Variants in ZC3H12B observed in about 807,000 individuals in gnomAD.
The protein encoded by ZC3H12B is probable ribonuclease ZC3H12B.
ZC3H12B carries 7 observed loss-of-function variants against 43.9 expected under a neutral mutation model. The observed-to-expected ratio is 0.16, with a 90% confidence interval of 0.09 to 0.30. The LOEUF (loss-of-function observed/expected upper bound fraction) is 0.30, where lower values mean the gene tolerates loss of function less well. Ranked by LOEUF, ZC3H12B falls within the 10% of genes least tolerant of loss-of-function variation. The pLI is 1.00. For missense variants in ZC3H12B, 475 were observed against 670.2 expected (o/e 0.71, Z 3.22); for synonymous variants, 222 against 241.7 (o/e 0.92, Z 0.76).
the ZC3H12B span, among the ~76,000 whole-genome samples, chrX:65,067,803 G>A: frequency 9.2e-6 from 1 of 108,816 alleles, no homozygotes; most frequent in African/African-American, 3.4e-5. Flanking sequence ...GCTTGCTTTT[G>A]TAGTTCTTTA....
the ZC3H12B span, among the ~76,000 whole-genome samples, chrX:65,112,743 A>C: frequency 8.9e-6 from 1 of 111,954 alleles, no homozygotes; most frequent in Non-Finnish European, 1.9e-5. Context: ...TTAAAATATT[A>C]CTGCTTATTG....
chrX:65,336,618 G>C, the ZC3H12B span, among the ~76,000 whole-genome samples: 1 of 112,077 alleles, frequency 8.9e-6, no homozygotes, highest in Non-Finnish European at 1.9e-5. Context: ...GGGCAAGATG[G>C]TCACCCTGAG....
the ZC3H12B span, among the ~76,000 whole-genome samples, chrX:65,188,608 A>G: frequency 1.8e-5 from 2 of 110,347 alleles, no homozygotes; most frequent in Non-Finnish European, 3.8e-5. Context: ...TGCCATTTGC[A>G]TGTCTTCTTG....
At chrX:65,360,450 A>C in the ZC3H12B span, among the ~76,000 whole-genome samples, 2 of 112,489 alleles carry the variant, frequency 1.8e-5, no homozygotes, top group African/African-American at 6.4e-5. Context: ...GCAGGAAAAG[A>C]AGCTCAGTAT....
At chrX:65,387,768 G>T (rs1268165464) in intron 2 of ZC3H12B, among the ~76,000 whole-genome samples, 1 of 112,755 alleles carries the variant, frequency 8.9e-6, no homozygotes, top group East Asian at 2.8e-4. Context: ...TGTTTTTGCA[G>T]TGGCTGGTAC....
At chrX:65,121,203 T>G in the ZC3H12B span, among the ~76,000 whole-genome samples, 1 of 111,816 alleles carries the variant, frequency 8.9e-6, no homozygotes, top group East Asian at 2.8e-4. Context: ...TTCCATTGAT[T>G]GGAATAATTT....
chrX:65,182,068 A>C, the ZC3H12B span, among the ~76,000 whole-genome samples: 1 of 112,047 alleles, frequency 8.9e-6, no homozygotes, highest in East Asian at 2.8e-4. Flanking sequence ...AATACTGTGC[A>C]ACCATCAAAA....
the ZC3H12B span, among the ~76,000 whole-genome samples, chrX:65,315,565 G>A: frequency 1.2e-4 from 13 of 111,323 alleles, no homozygotes; most frequent in South Asian, 3.8e-4. Context: ...CCTAGGCCCC[G>A]TAAAATCATC....
chrX:65,248,793 A>C, the ZC3H12B span, among the ~76,000 whole-genome samples: 7 of 111,795 alleles, frequency 6.3e-5, no homozygotes, highest in Non-Finnish European at 1.1e-4. Context: ...CTAAGGTGGT[A>C]TCGCATTGTG....
the ZC3H12B span, among the ~76,000 whole-genome samples, chrX:65,177,150 T>G: frequency 8.9e-6 from 1 of 111,964 alleles, no homozygotes; most frequent in Non-Finnish European, 1.9e-5. Flanking sequence ...ACATAATCCA[T>G]CACATAAACA....
chrX:65,235,428 C>T, the ZC3H12B span, among the ~76,000 whole-genome samples: 90 of 111,923 alleles, frequency 8.0e-4, no homozygotes, highest in South Asian at 9.3e-3. Flanking sequence ...TTTTGCTTTG[C>T]ACTTCTCTAA....
intron 1 of ZC3H12B, among the ~76,000 whole-genome samples, 184 bp from the exon 7 acceptor site, chrX:65,496,948 C>CAAAAAAAA (rs373400545): frequency 2.0e-4 from 8 of 40,833 alleles, no homozygotes; most frequent in African/African-American, 4.2e-4. Flanking sequence ...AAAGTGAGAC[C>CAAAAAAAA]AAAAAAAAAA....
chrX:65,224,196 C>G, the ZC3H12B span, among the ~76,000 whole-genome samples: 1 of 112,387 alleles, frequency 8.9e-6, no homozygotes, highest in Non-Finnish European at 1.9e-5. Context: ...TGAAGTAAAT[C>G]AAGAATGGAA....
chrX:65,408,802 G>T (rs1386859583), intron 3 of ZC3H12B: 4 of 422,431 alleles, frequency 9.5e-6, no homozygotes, highest in Non-Finnish European at 1.6e-5. Flanking sequence ...GCTTTCCACT[G>T]AAACACAGGT....
intron 2 of ZC3H12B, among the ~76,000 whole-genome samples, chrX:65,378,012 T>A (rs982578131): frequency 2.7e-5 from 3 of 110,156 alleles, no homozygotes; most frequent in African/African-American, 9.9e-5. Flanking sequence ...GGCAGGAGAA[T>A]GGCATGAACC....
chrX:65,152,573 T>G, the ZC3H12B span, among the ~76,000 whole-genome samples: 3 of 110,705 alleles, frequency 2.7e-5, no homozygotes, highest in African/African-American at 9.9e-5. Flanking sequence ...CACTGCTCAA[T>G]GAAATAAAAG....
the ZC3H12B span, among the ~76,000 whole-genome samples, chrX:65,233,453 A>G: frequency 3.6e-5 from 4 of 110,977 alleles, no homozygotes; most frequent in African/African-American, 1.3e-4. Flanking sequence ...GAACTTTGGA[A>G]ATTATACAGA....
chrX:65,211,081 AAAG>A, the ZC3H12B span, among the ~76,000 whole-genome samples: 3 of 81,953 alleles, frequency 3.7e-5, no homozygotes, highest in Admixed American at 2.3e-4. Flanking sequence ...AAAAAAAAAA[AAAG>A]AAAGAAAAAA....
At chrX:65,371,169 A>G (rs2066239473) in intron 2 of ZC3H12B, among the ~76,000 whole-genome samples, 1 of 111,857 alleles carries the variant, frequency 8.9e-6, no homozygotes, top group Admixed American at 9.5e-5. Flanking sequence ...TGCACAAATT[A>G]TTTCTCTGTT....
Sources: allele counts gnomAD v4.1 joint callset (sites outside exome capture counted in the v4.1 genomes callset), GRCh38; gene constraint gnomAD v4.1.1; transcripts MANE v1.5; gene names NCBI Gene and HGNC (gene_info 2026-07-23, HGNC 2026-07-21).